Variants in ATP6V0E1 observed in about 807,000 individuals in gnomAD.
ATP6V0E1 encodes ATPase H+ transporting V0 subunit e1, also known as V-type proton ATPase subunit e 1.
A neutral mutation model predicts 11.6 loss-of-function variants in ATP6V0E1; 4 were observed. That is an observed-to-expected ratio of 0.35 (90% CI 0.17 to 0.79). The LOEUF (loss-of-function observed/expected upper bound fraction) is 0.79. Among genes scored for constraint, ATP6V0E1 ranks in the 30% least tolerant of loss-of-function variants. The pLI, the probability that ATP6V0E1 is intolerant of heterozygous loss-of-function variation, is 0.54. For synonymous variants in ATP6V0E1, 36 were observed against 34.8 expected (o/e 1.04, Z -0.13); for missense variants, 105 against 100.0 (o/e 1.05, Z -0.21).
At chr5:172,985,244 CAAAAAA>C (rs59381222) in intron 1 of ATP6V0E1, among the ~76,000 whole-genome samples, 1 of 89,444 alleles carries the variant, frequency 1.1e-5, no homozygotes, top group Non-Finnish European at 2.6e-5. Context: ...GACTCCGTCT[CAAAAAA>C]AAAAAAAAAA....
rs368380152 is a variant in ATP6V0E1, at chr5:172,996,417, C to T, written c.152+1595C>T. ...TATTAAAAATACAAAAAAAAATTAG[C>T]TGGGCTTGGTGGCGCACACCTGTAG... On this transcript the variant is annotated intron_variant, in intron 2 of 3. Coordinates refer to ENST00000519374, the MANE Select transcript of ATP6V0E1 (RefSeq NM_003945.4). Among the ~76,000 whole-genome samples the T allele has an allele frequency of 3.9e-5, 6 of 152,060 alleles. No individual in the cohort carries two copies. In the South Asian group the frequency reaches 1.0e-3, roughly 26 times the overall value.
chr5:173,025,541 G>T (rs568718339), intron 3 of ATP6V0E1, among the ~76,000 whole-genome samples: 66 of 114,736 alleles, frequency 5.8e-4, no homozygotes, highest in African/African-American at 2.4e-3. Context: ...TGGAGACATG[G>T]TCTCTGTCAC....
At chr5:172,994,709 C>A in intron 1 of ATP6V0E1, 66 bp from the exon 2 acceptor site, 1 of 1,313,514 alleles carries the variant, frequency 7.6e-7, no homozygotes, top group Non-Finnish European at 1.1e-6. Context: ...GGGACTTAAA[C>A]CATTCTGTGA....
rs1385614337 is a variant in ATP6V0E1 at position 172,983,788 on chromosome 5, G to T, written c.-73G>T. 3.5e-6 allele frequency: 5 copies of T among 1,438,108 alleles called. No individual in the cohort carries two copies. Among genetic ancestry groups the T allele is most frequent in the Non-Finnish European group, 4.9e-6 (5 of 1,026,604 alleles). 89.1% of individuals were successfully genotyped at this position (1,438,108 alleles called of 1,614,324 possible). On this transcript the variant is annotated 5_prime_UTR_variant, in exon 1 of 4. Coordinates refer to ENST00000519374, the MANE Select transcript of ATP6V0E1 (RefSeq NM_003945.4). ...CGGGGCTTGCACACGCTGGTCACGC[G>T]GTCAGCTATTGACACTTCCTGGTGG...
chr5:173,001,597 A>G (rs115484066), intron 2 of ATP6V0E1, among the ~76,000 whole-genome samples: 2,793 of 152,166 alleles, frequency 0.018, 81 homozygotes, highest in African/African-American at 0.063. Flanking sequence ...TTGGTTTCCA[A>G]CCAAGTAACC....
chr5:173,010,391 G>A (rs1756303580), intron 2 of ATP6V0E1, among the ~76,000 whole-genome samples: 1 of 152,192 alleles, frequency 6.6e-6, no homozygotes, highest in Non-Finnish European at 1.5e-5. Flanking sequence ...ACTGCATAGA[G>A]CACTTTACTT....
chr5:173,015,337 A>G (rs1046539275), intron 2 of ATP6V0E1, among the ~76,000 whole-genome samples: 3 of 152,206 alleles, frequency 2.0e-5, no homozygotes, highest in Non-Finnish European at 4.4e-5. Context: ...TTCCTGGTAT[A>G]CAACTCCTAA....
intron 1 of ATP6V0E1, among the ~76,000 whole-genome samples, chr5:172,991,008 C>T (rs898422319): frequency 2.0e-5 from 3 of 152,064 alleles, no homozygotes; most frequent in Admixed American, 2.0e-4. Flanking sequence ...GCCTCGAGTG[C>T]AGTAGCGTGC....
Position 173,020,358 on chromosome 5 carries a change from A to C in ATP6V0E1, c.*27A>C, listed in dbSNP as rs748919348. 6.5e-7 allele frequency: 1 copy of C among 1,550,030 alleles called. No homozygotes were observed. Among genetic ancestry groups the C allele is most frequent in the Non-Finnish European group, 8.9e-7 (1 of 1,122,142 alleles). ...GAAGAAGACATGCTCTACAGTGCTC[A>C]GTCTTTGAGGTGACTATGCTTGTGA... On this transcript the variant is annotated 3_prime_UTR_variant, in exon 3 of 4. Transcript: ENST00000519374.
chr5:173,013,660 G>A (rs922712300), intron 2 of ATP6V0E1, among the ~76,000 whole-genome samples: 3 of 151,194 alleles, frequency 2.0e-5, no homozygotes, highest in Non-Finnish European at 4.4e-5. Flanking sequence ...CTAAGATCCA[G>A]AATATATAAG....
chr5:173,015,875 T>C (rs1175673329), intron 2 of ATP6V0E1, among the ~76,000 whole-genome samples: 1 of 152,114 alleles, frequency 6.6e-6, no homozygotes. Context: ...TACAGATGTG[T>C]GCCACCATGC....
At chr5:173,024,334 A>T (rs114295694) in intron 3 of ATP6V0E1, among the ~76,000 whole-genome samples, 3,350 of 151,586 alleles carry the variant, frequency 0.022, 66 homozygotes, top group African/African-American at 0.043. Context: ...GATTTTTTTT[A>T]AATTTTAAAT....
Position 173,026,899 on chromosome 5 carries a change from G to A in ATP6V0E1, c.*36+6532G>A, listed in dbSNP as rs970081815. 1.6e-4 allele frequency among the ~76,000 whole-genome samples: 25 copies of A among 152,238 alleles called. No homozygotes were observed. The East Asian group carries it at 2.7e-3, about 16-fold the overall frequency. On this transcript the variant is annotated intron_variant, in intron 3 of 3. Transcript: ENST00000519374. ...TCCCATCAACAGTATATGAGTGGCCGAGCGTGTTGGCTCATGCCTGTAATC... is the reference window on the plus strand; with the variant it reads ...TCCCATCAACAGTATATGAGTGGCCAAGCGTGTTGGCTCATGCCTGTAATC...
intron 3 of ATP6V0E1, among the ~76,000 whole-genome samples, chr5:173,021,600 C>A (rs1004475890): frequency 2.0e-5 from 3 of 152,068 alleles, no homozygotes; most frequent in African/African-American, 7.2e-5. Context: ...GGGGACACAG[C>A]CAAACCATAT....
intron 1 of ATP6V0E1, among the ~76,000 whole-genome samples, chr5:172,993,041 G>A (rs1260791261): frequency 1.3e-5 from 2 of 151,882 alleles, no homozygotes; most frequent in Admixed American, 1.3e-4. Flanking sequence ...CTCTTGATCC[G>A]CCTGCCTCGG....
intron 2 of ATP6V0E1, among the ~76,000 whole-genome samples, chr5:172,999,521 C>A (rs1051071846): frequency 1.3e-5 from 2 of 152,130 alleles, no homozygotes; most frequent in African/African-American, 4.8e-5. Context: ...TGAGGTCCTG[C>A]TATGTTTGTT....
intron 3 of ATP6V0E1, among the ~76,000 whole-genome samples, chr5:173,028,710 A>C (rs944149426): frequency 6.6e-6 from 1 of 152,226 alleles, no homozygotes; most frequent in African/African-American, 2.4e-5. Context: ...ACAGCACGTT[A>C]TGTTTATTGG....
In ATP6V0E1 at chr5:172,983,829, A is replaced by G. The variant is rs539937286; in HGVS notation, c.-32A>G. ...TTCCTGGTGGGATCCGAGTGAGGCGACGGGGTAGGGGTTGGCGCTCAGGCG... is the reference window on the plus strand; with the variant it reads ...TTCCTGGTGGGATCCGAGTGAGGCGGCGGGGTAGGGGTTGGCGCTCAGGCG... On this transcript the variant is annotated 5_prime_UTR_variant, in exon 1 of 4. Coordinates refer to ENST00000519374, the MANE Select transcript of ATP6V0E1 (RefSeq NM_003945.4). The G allele has an allele frequency of 6.2e-6, 10 of 1,602,520 alleles. No individual in the cohort carries two copies. In the South Asian group the frequency reaches 1.1e-4, roughly 18 times the overall value.
At chr5:173,005,156 C>T (rs1202559560) in intron 2 of ATP6V0E1, among the ~76,000 whole-genome samples, 1 of 141,480 alleles carries the variant, frequency 7.1e-6, no homozygotes, top group Non-Finnish European at 1.5e-5. Flanking sequence ...TAGGCAGTTT[C>T]TACGAAAAAA....
Sources: allele counts gnomAD v4.1 joint callset (sites outside exome capture counted in the v4.1 genomes callset), GRCh38; gene constraint gnomAD v4.1.1; transcripts MANE v1.5; gene names NCBI Gene and HGNC (gene_info 2026-07-23, HGNC 2026-07-21).